Variants in PPIB observed in about 807,000 individuals in gnomAD.
The protein encoded by PPIB is peptidylprolyl isomerase B, also known as peptidyl-prolyl cis-trans isomerase B.
Under a neutral mutation model 20.1 loss-of-function variants are expected in PPIB, and 15 were observed. The ratio of observed to expected loss-of-function variants is 0.75; its 90% CI spans 0.50 to 1.15. The LOEUF is 1.15. PPIB is among the 50% of genes most tolerant of loss of function. The probability of loss-of-function intolerance (pLI) is 0.00; values close to 1 mark genes in which losing one functional copy is unlikely to be tolerated. For synonymous variants in PPIB, 129 were observed against 111.0 expected (o/e 1.16, Z -1.02); for missense variants, 278 against 283.0 (o/e 0.98, Z 0.13).
At position 64,159,147 on chromosome 15, in the gene PPIB, T is replaced by C. The variant is rs2081551234; in HGVS notation, c.343+957A>G. ...TCATGGCTCACTTGTACATTTTCAG[T>C]TGTTGGAAGTAAAAGGGAGCCACTG... On this transcript the variant is annotated intron_variant, in intron 3 of 4. Transcript: ENST00000300026. This position sits in a 1 kb window ranked among gnomAD's most constrained non-coding sequence, Gnocchi z 5.1. 1 of 152,142 alleles carries C rather than the reference T, an allele frequency of 6.6e-6. No individual in the cohort carries two copies. Among genetic ancestry groups the C allele is most frequent in the Admixed American group, 6.5e-5 (1 of 15,276 alleles). 9.4% of individuals were successfully genotyped at this position (152,142 alleles called of 1,614,324 possible).
At position 64,156,733 on chromosome 15, in the gene PPIB, C is replaced by A; in HGVS notation, c.520G>T (p.Glu174Ter). The A allele has an allele frequency of 6.2e-7, 1 of 1,614,208 alleles. No homozygotes were observed. The highest frequency in any genetic ancestry group is 2.2e-5 in the East Asian group (1 of 44,892). The change falls in exon 4 of 5, where the codon GAG (glutamate) becomes TAG (stop). Residue 174 changes from glutamate (E) to a stop codon, truncating the protein, a stop_gained. Coordinates refer to ENST00000300026, the MANE Select transcript of PPIB (RefSeq NM_000942.5). LOFTEE classifies it high-confidence loss of function. This position sits in a 1 kb window ranked among gnomAD's most constrained non-coding sequence, Gnocchi z 6.4. ...GKHVVFGKVLEGMEVVRKVES... is the reference protein window; with the variant it reads ...GKHVVFGKVL ...TTGCTTCCACAACTCACCATGCCCT[C>A]TAGAACTTTGCCAAACACCACATGC... is the stretch of plus-strand genomic sequence containing the variant.
In PPIB at chr15:64,156,607, G is replaced by C. The variant is rs560280927; in HGVS notation, c.528+118C>G. 1 of 1,216,090 alleles carries C rather than the reference G, an allele frequency of 8.2e-7. No homozygotes were observed. The highest frequency in any genetic ancestry group is 2.3e-5 in the East Asian group (1 of 43,024). The allele number at this position is 1,216,090 out of a possible 1,614,324, so 75.3% of individuals were successfully genotyped here. A position where few individuals can be genotyped will look rare whatever the true frequency, so the allele number is the denominator to read the frequency against. On this transcript the variant is annotated intron_variant, in intron 4 of 4. Coordinates refer to ENST00000300026, the MANE Select transcript of PPIB (RefSeq NM_000942.5). The surrounding 1 kb of genome is among the most constrained non-coding windows in gnomAD (Gnocchi z 6.4). ...TTATTCTGGACAGGAGCACTGGGCT[G>C]CATCTGTGGGTTGGGTCCTTTTGGG...
chr15:64,156,032 G>A lies in PPIB; in HGVS notation c.642C>T (p.Ala214=). ...KIEVEKPFAI[A]KE ...AAGATGTCCCTGTGCCCTACTCCTT[G>A]GCGATGGCAAAGGGCTTCTCCACCT... Residue 214 remains alanine, a synonymous_variant, in exon 5 of 5, where the codon GCC becomes GCT. Transcript: ENST00000300026. The surrounding 1 kb of genome is among the most constrained non-coding windows in gnomAD (Gnocchi z 6.4). The A allele has an allele frequency of 6.2e-7, 1 of 1,614,176 alleles. No homozygotes were observed. Among genetic ancestry groups the A allele is most frequent in the Non-Finnish European group, 8.5e-7 (1 of 1,180,034 alleles).
Position 64,155,864 on chromosome 15 carries a change from T to G in PPIB, c.*159A>C. ...ATTTTTTTTTATTGGTCAGTGTTGG[T>G]AGGAGTTTGTTACAAAAGTGAGTCC... On this transcript the variant is annotated 3_prime_UTR_variant, in exon 5 of 5. Coordinates refer to ENST00000300026, the MANE Select transcript of PPIB (RefSeq NM_000942.5). 1.9e-6 allele frequency: 2 copies of G among 1,042,952 alleles called. No homozygotes were observed. Among genetic ancestry groups the G allele is most frequent in the Non-Finnish European group, 1.5e-6 (1 of 686,258 alleles). 64.6% of individuals were successfully genotyped at this position (1,042,952 alleles called of 1,614,324 possible).
At position 64,157,183 on chromosome 15, in the gene PPIB, G is replaced by A. The variant is rs113672743; in HGVS notation, c.344-274C>T. ...TAGTTTTGTGGCTTTTAAATAAGGC[G>A]CATGTTATCAGCTCCCCTTAGCTAT... On this transcript the variant is annotated intron_variant, in intron 3 of 4. Coordinates refer to ENST00000300026, the MANE Select transcript of PPIB (RefSeq NM_000942.5). The surrounding 1 kb of genome is among the most constrained non-coding windows in gnomAD (Gnocchi z 4.2). The A allele has an allele frequency of 9.7e-6, 5 of 515,990 alleles. No individual in the cohort carries two copies. The highest frequency in any genetic ancestry group is 5.7e-5 in the African/African-American group (3 of 52,244). 32.0% of individuals were successfully genotyped at this position (515,990 alleles called of 1,614,324 possible). A position where few individuals can be genotyped will look rare whatever the true frequency, so the allele number is the denominator to read the frequency against.
intron 1 of PPIB, 77 bp downstream of exon 1, chr15:64,162,775 A>T (rs944854295): frequency 6.4e-7 from 1 of 1,560,342 alleles, no homozygotes; most frequent in Non-Finnish European, 8.7e-7. Flanking sequence ...CCGAGGGAGG[A>T]GGGGCTGAGC....
At chr15:64,162,721 G>C (rs890914754) in intron 1 of PPIB, 131 bp downstream of exon 1, 20 of 1,452,020 alleles carry the variant, frequency 1.4e-5, no homozygotes, top group Non-Finnish European at 1.6e-5. Context: ...TCCCTGGACT[G>C]AATGGGCAGG....
intron 1 of PPIB, among the ~76,000 whole-genome samples, 200 bp from the exon 2 acceptor site, chr15:64,162,354 C>T (rs1473457905): frequency 6.6e-6 from 1 of 152,170 alleles, no homozygotes; most frequent in Non-Finnish European, 1.5e-5. Context: ...GGAAAACATG[C>T]TTATCTATAC....
In PPIB at chr15:64,160,296, C is replaced by T; in HGVS notation, c.250-99G>A. On this transcript the variant is annotated intron_variant, in intron 2 of 4. Coordinates refer to ENST00000300026, the MANE Select transcript of PPIB (RefSeq NM_000942.5). The surrounding 1 kb of genome is among the most constrained non-coding windows in gnomAD (Gnocchi z 4.8). The stretch of plus-strand genomic sequence containing the variant: ...GGAACAAGTCCACAACTCCTGCTCG[C>T]AGAAGAGACACCACTGCTGACCACT... 4 of 964,608 alleles carry T rather than the reference C, an allele frequency of 4.1e-6. No homozygotes were observed. Among genetic ancestry groups the T allele is most frequent in the South Asian group, 2.7e-5 (2 of 75,032 alleles). The allele number at this position is 964,608 out of a possible 1,614,324, so 59.8% of individuals were successfully genotyped here.
At position 64,156,021 on chromosome 15, in the gene PPIB, C is replaced by A. The variant is rs766839875; in HGVS notation, c.*2G>T. The A allele has an allele frequency of 5.0e-6, 8 of 1,614,024 alleles. No homozygotes were observed. The highest frequency in any genetic ancestry group is 3.3e-5 in the South Asian group (3 of 91,090). On this transcript the variant is annotated 3_prime_UTR_variant, in exon 5 of 5. Transcript: ENST00000300026. This position sits in a 1 kb window ranked among gnomAD's most constrained non-coding sequence, Gnocchi z 6.4. ...TCACTCAAAGAAAGATGTCCCTGTG[C>A]CCTACTCCTTGGCGATGGCAAAGGG...
chr15:64,162,336 C>G (rs1029692298), intron 1 of PPIB, among the ~76,000 whole-genome samples, 182 bp from the exon 2 acceptor site: 4 of 152,160 alleles, frequency 2.6e-5, no homozygotes, highest in African/African-American at 9.7e-5. Flanking sequence ...GCTCCAGACC[C>G]TTTTCTTGGA....
In PPIB at chr15:64,155,872, T is replaced by C. The variant is rs1444307906; in HGVS notation, c.*151A>G. 4 of 1,178,908 alleles carry C rather than the reference T, an allele frequency of 3.4e-6. No individual in the cohort carries two copies. Among genetic ancestry groups the C allele is most frequent in the Admixed American group, 1.8e-5 (1 of 56,096 alleles). 73.0% of individuals were successfully genotyped at this position (1,178,908 alleles called of 1,614,324 possible). The stretch of plus-strand genomic sequence containing the variant: ...TTATTGGTCAGTGTTGGTAGGAGTT[T>C]GTTACAAAAGTGAGTCCATGGGCCT... On this transcript the variant is annotated 3_prime_UTR_variant, in exon 5 of 5. Transcript: ENST00000300026.
Position 64,155,866 on chromosome 15 carries a change from G to A in PPIB, c.*157C>T. The A allele has an allele frequency of 9.2e-7, 1 of 1,088,766 alleles. No homozygotes were observed. Among genetic ancestry groups the A allele is most frequent in the Non-Finnish European group, 1.4e-6 (1 of 724,100 alleles). The allele number at this position is 1,088,766 out of a possible 1,614,324, so 67.4% of individuals were successfully genotyped here. ...TTTTTTTTATTGGTCAGTGTTGGTAGGAGTTTGTTACAAAAGTGAGTCCAT... is the reference window on the plus strand; with the variant it reads ...TTTTTTTTATTGGTCAGTGTTGGTAAGAGTTTGTTACAAAAGTGAGTCCAT... On this transcript the variant is annotated 3_prime_UTR_variant, in exon 5 of 5. Coordinates refer to ENST00000300026, the MANE Select transcript of PPIB (RefSeq NM_000942.5).
Position 64,156,576 on chromosome 15 carries a change from C to G in PPIB, c.528+149G>C. On this transcript the variant is annotated intron_variant, in intron 4 of 4. Transcript: ENST00000300026. The surrounding 1 kb of genome is among the most constrained non-coding windows in gnomAD (Gnocchi z 6.4). The stretch of plus-strand genomic sequence containing the variant: ...TTAGAACCTTGGAGGCATGGAGGTA[C>G]AGGGTTTATTCTGGACAGGAGCACT... 1.0e-6 allele frequency: 1 copy of G among 992,606 alleles called. No individual in the cohort carries two copies. The highest frequency in any genetic ancestry group is 1.6e-6 in the Non-Finnish European group (1 of 623,500). The allele number at this position is 992,606 out of a possible 1,614,324, so 61.5% of individuals were successfully genotyped here. A position where few individuals can be genotyped will look rare whatever the true frequency, so the allele number is the denominator to read the frequency against.
Position 64,157,829 on chromosome 15 carries a change from T to C in PPIB, c.344-920A>G, listed in dbSNP as rs926967758. ...ATGCCAACCAGGAAGATGTTTCTGATTGGGCAGCAGGTAGGATGACTGAAA... is the reference window on the plus strand; with the variant it reads ...ATGCCAACCAGGAAGATGTTTCTGACTGGGCAGCAGGTAGGATGACTGAAA... On this transcript the variant is annotated intron_variant, in intron 3 of 4. Coordinates refer to ENST00000300026, the MANE Select transcript of PPIB (RefSeq NM_000942.5). This position sits in a 1 kb window ranked among gnomAD's most constrained non-coding sequence, Gnocchi z 4.2. 1.1e-4 allele frequency among the ~76,000 whole-genome samples: 17 copies of C among 152,180 alleles called. No homozygotes were observed. The highest frequency in any genetic ancestry group is 3.6e-4 in the African/African-American group (15 of 41,458).
Sources: allele counts gnomAD v4.1 joint callset (sites outside exome capture counted in the v4.1 genomes callset), GRCh38; gene constraint gnomAD v4.1.1; non-coding constraint Gnocchi (gnomAD v3.1); transcripts MANE v1.5; gene names NCBI Gene and HGNC (gene_info 2026-07-23, HGNC 2026-07-21).